CCSER1: variants seen among roughly 807,000 people sequenced by gnomAD.
The protein encoded by CCSER1 is serine-rich coiled-coil domain-containing protein 1.
Under a neutral mutation model 82.0 loss-of-function variants are expected in CCSER1, and 41 were observed. That is an observed-to-expected ratio of 0.50 (90% CI 0.39 to 0.65). The LOEUF is 0.65. Among genes scored for constraint, CCSER1 ranks in the 30% least tolerant of loss-of-function variants. The pLI is 0.00. For synonymous variants in CCSER1, 414 were observed against 383.9 expected (o/e 1.08, Z -0.92); for missense variants, 1,119 against 1,064.2 (o/e 1.05, Z -0.72).
intron 5 of CCSER1, among the ~76,000 whole-genome samples, chr4:90,547,175 A>T (rs561621263): frequency 6.2e-5 from 8 of 129,632 alleles, no homozygotes; most frequent in African/African-American, 2.7e-4. Flanking sequence ...TTTTGGAGTG[A>T]TAGTTTGTTG....
intron 6 of CCSER1, among the ~76,000 whole-genome samples, chr4:90,683,525 A>T (rs897232289): frequency 3.3e-5 from 5 of 152,066 alleles, no homozygotes; most frequent in Admixed American, 1.3e-4. Flanking sequence ...ACCAATTGCT[A>T]AAAAGCTTAA....
intron 9 of CCSER1, among the ~76,000 whole-genome samples, chr4:90,978,229 C>T (rs1735786899): frequency 6.6e-6 from 1 of 151,548 alleles, no homozygotes; most frequent in Non-Finnish European, 1.5e-5. Context: ...AAATGCGTCA[C>T]TTAATCATTT....
chr4:90,930,244 A>G (rs928577700), intron 9 of CCSER1, among the ~76,000 whole-genome samples: 5 of 152,096 alleles, frequency 3.3e-5, no homozygotes, highest in Non-Finnish European at 7.4e-5. Context: ...AATTTTTCTA[A>G]TATTTTTCCT....
At chr4:90,359,988 G>A (rs1195478047) in intron 3 of CCSER1, among the ~76,000 whole-genome samples, 4 of 147,732 alleles carry the variant, frequency 2.7e-5, no homozygotes, top group South Asian at 4.2e-4. Flanking sequence ...GCAAGATCTC[G>A]GCTTGCTACA....
chr4:90,963,275 T>C (rs532567066), intron 9 of CCSER1, among the ~76,000 whole-genome samples: 2 of 152,270 alleles, frequency 1.3e-5, no homozygotes, highest in South Asian at 2.1e-4. Flanking sequence ...GAGGATGTGA[T>C]CTAACAGAAT....
chr4:91,374,308 T>G (rs2083976205), intron 10 of CCSER1, among the ~76,000 whole-genome samples: 1 of 152,136 alleles, frequency 6.6e-6, no homozygotes, highest in Non-Finnish European at 1.5e-5. Context: ...CTCCAAGGCT[T>G]TTAAGGACGG....
At chr4:91,314,835 T>G (rs1291419154) in intron 10 of CCSER1, among the ~76,000 whole-genome samples, 1 of 152,014 alleles carries the variant, frequency 6.6e-6, no homozygotes, top group Non-Finnish European at 1.5e-5. Context: ...CCTATTTCCC[T>G]CTATTGTAGT....
chr4:90,567,464 A>T (rs562667902), intron 5 of CCSER1, among the ~76,000 whole-genome samples: 2 of 151,816 alleles, frequency 1.3e-5, no homozygotes, highest in East Asian at 3.9e-4. Context: ...CTAATTTTGT[A>T]TTCTTAGTAG....
At chr4:90,509,947 T>G (rs1383041014) in intron 5 of CCSER1, among the ~76,000 whole-genome samples, 1 of 152,186 alleles carries the variant, frequency 6.6e-6, no homozygotes, top group East Asian at 1.9e-4. Flanking sequence ...TAACTAAATT[T>G]TTATGGGACA....
chr4:90,532,698 G>A lies in CCSER1; in HGVS notation c.1724+64344G>A, dbSNP rs116239987. Among the ~76,000 whole-genome samples, 947 of 152,138 alleles carry A rather than the reference G, an allele frequency of 6.2e-3. 4 individuals are homozygous for A. Among genetic ancestry groups the A allele is most frequent in the South Asian group, 0.015 (73 of 4,818 alleles). On this transcript the variant is annotated intron_variant, in intron 5 of 10. Coordinates refer to ENST00000509176, the MANE Select transcript of CCSER1 (RefSeq NM_001145065.2). ...AGTTTCTTTATATCAAAATAATTTT[G>A]TATGGACTTCTACCAAAATTCTTTT...
intron 10 of CCSER1, among the ~76,000 whole-genome samples, chr4:91,479,380 T>TA (rs1452320594): frequency 6.6e-6 from 1 of 151,884 alleles, no homozygotes; most frequent in East Asian, 1.9e-4. Context: ...TTACAACTGA[T>TA]ATGATAGAGA....
intron 8 of CCSER1, among the ~76,000 whole-genome samples, chr4:90,870,886 T>A (rs542886304): frequency 4.1e-4 from 61 of 150,592 alleles, no homozygotes; most frequent in African/African-American, 1.4e-3. Context: ...TATGGTCTAT[T>A]CAGATTTTGG....
intron 9 of CCSER1, among the ~76,000 whole-genome samples, chr4:91,034,198 T>C (rs562616597): frequency 6.6e-6 from 1 of 152,334 alleles, no homozygotes; most frequent in East Asian, 1.9e-4. Context: ...CAGTGAATGA[T>C]GTCTTACATT....
intron 6 of CCSER1, among the ~76,000 whole-genome samples, chr4:90,665,158 T>A: frequency 6.6e-6 from 1 of 152,230 alleles, no homozygotes; most frequent in South Asian, 2.1e-4. Flanking sequence ...TAGGATATAG[T>A]ATATCTATAG....
chr4:90,653,567 CGTAA>C (rs1157404086), intron 6 of CCSER1, among the ~76,000 whole-genome samples: 2 of 152,064 alleles, frequency 1.3e-5, no homozygotes, highest in East Asian at 3.9e-4. Flanking sequence ...GGTGTACATT[CGTAA>C]GTGTGAATAA....
chr4:91,204,208 G>T (rs1426768663), intron 10 of CCSER1, among the ~76,000 whole-genome samples: 3 of 151,808 alleles, frequency 2.0e-5, no homozygotes, highest in Non-Finnish European at 2.9e-5. Context: ...AAAAATAAGT[G>T]CAGTAAAGCA....
chr4:90,653,302 TATATGAGAA>T (rs1324748551), intron 6 of CCSER1, among the ~76,000 whole-genome samples: 1 of 152,136 alleles, frequency 6.6e-6, no homozygotes, highest in Admixed American at 6.6e-5. Flanking sequence ...TGCATATTTG[TATATGAGAA>T]ACACTGCGCA....
chr4:90,841,098 C>G (rs975934207), intron 8 of CCSER1, among the ~76,000 whole-genome samples: 3 of 151,850 alleles, frequency 2.0e-5, no homozygotes, highest in African/African-American at 7.3e-5. Flanking sequence ...TGATGCTTTT[C>G]CTGCACTTTG....
chr4:90,908,240 TGTAAGGCAGTG>T (rs1725792425), intron 8 of CCSER1, among the ~76,000 whole-genome samples: 1 of 152,096 alleles, frequency 6.6e-6, no homozygotes, highest in Non-Finnish European at 1.5e-5. Flanking sequence ...AAAGAATATC[TGTAAGGCAGTG>T]GCACCTAATA....
Sources: gnomAD v4.1 joint callset for allele counts (sites outside exome capture counted in the v4.1 genomes callset) on GRCh38, gnomAD v4.1.1 for gene constraint, MANE v1.5 for transcripts, NCBI Gene and HGNC (gene_info 2026-07-23, HGNC 2026-07-21) for gene names.